The following CCDC47 variants were observed in gnomAD, a reference collection of about 807,000 sequenced individuals.
CCDC47 encodes the protein coiled-coil domain containing 47.
In CCDC47, 41 loss-of-function variants were observed where a neutral mutation model predicts 60.5. That is an observed-to-expected ratio of 0.68 (90% CI 0.53 to 0.88). The LOEUF (loss-of-function observed/expected upper bound fraction) is 0.88. CCDC47 is among the 40% of genes least tolerant of loss of function. The probability of loss-of-function intolerance (pLI) is 0.00; values close to 1 mark genes in which losing one functional copy is unlikely to be tolerated. For missense variants in CCDC47, 513 were observed against 580.9 expected, an observed-to-expected ratio of 0.88 and a Z score of 1.20; for synonymous variants, 195 against 190.7, an observed-to-expected ratio of 1.02 and a Z score of -0.18.
intron 1 of CCDC47, among the ~76,000 whole-genome samples, chr17:63,769,194 G>A (rs1042272838): frequency 6.6e-6 from 1 of 150,862 alleles, no homozygotes; most frequent in South Asian, 2.1e-4. Flanking sequence ...AGGCTTCAGT[G>A]AGCCATGACT....
intron 8 of CCDC47, chr17:63,755,262 C>T (rs530419890): frequency 1.3e-4 from 127 of 981,964 alleles, no homozygotes; most frequent in Non-Finnish European, 1.5e-4. Flanking sequence ...CCACAGCGCG[C>T]GGACAAGGCT....
At position 63,758,764 on chromosome 17, in the gene CCDC47, A is replaced by G. The variant is rs116892791; in HGVS notation, c.735+2150T>C. 7.2e-3 allele frequency among the ~76,000 whole-genome samples: 1,098 copies of G among 152,292 alleles called. 4 individuals carry two copies. Among genetic ancestry groups the G allele is most frequent in the Admixed American group, 0.023 (354 of 15,296 alleles). ...GCTTGGGTGAAATAATTTTTAGTATATGGAAGAAGGAAAATGTTAATATAG... is the reference window on the plus strand; with the variant it reads ...GCTTGGGTGAAATAATTTTTAGTATGTGGAAGAAGGAAAATGTTAATATAG... On this transcript the variant is annotated intron_variant, in intron 6 of 12. Transcript: ENST00000225726.
At chr17:63,752,496 C>CTTT in intron 10 of CCDC47, 67 bp from the exon 11 acceptor site, 2 of 889,320 alleles carry the variant, frequency 2.2e-6, no homozygotes, top group Non-Finnish European at 3.3e-6. Flanking sequence ...TCACCCAACT[C>CTTT]TTTTTTTTTT....
chr17:63,756,518 A>G lies in CCDC47; in HGVS notation c.788T>C (p.Val263Ala). ...TCGCACCAAGGCTTTCCGTGTGCCA[A>G]CAGCAAATACGTAGGTATCCATGTC... ...DEDMDTYVFA[V>A]GTRKALVRLQ... is the part of the protein sequence containing the mutation. The change falls in exon 7 of 13, where the codon GTT (valine) becomes GCT (alanine). Residue 263 changes from valine (V) to alanine (A), a missense_variant. Coordinates refer to ENST00000225726, the MANE Select transcript of CCDC47 (RefSeq NM_020198.3). The G allele has an allele frequency of 6.2e-7, 1 of 1,614,158 alleles. No homozygotes were observed. The highest frequency in any genetic ancestry group is 8.5e-7 in the Non-Finnish European group (1 of 1,179,976).
chr17:63,769,485 G>T (rs371188968), intron 1 of CCDC47, among the ~76,000 whole-genome samples: 1 of 150,608 alleles, frequency 6.6e-6, no homozygotes, highest in African/African-American at 2.4e-5. Context: ...ATGGTGACAG[G>T]CGCCTGTAAT....
rs1258442864 is a variant in CCDC47 at position 63,746,865 on chromosome 17, A to G, written c.*16T>C. ...AGCTTACAGGTGGCATCAGAACTCA[A>G]ATCTCTGGGATGGCTTTACATGGCT... On this transcript the variant is annotated 3_prime_UTR_variant, in exon 13 of 13. Transcript: ENST00000225726. 2 of 1,600,602 alleles carry G rather than the reference A, an allele frequency of 1.2e-6. No homozygotes were observed. Among genetic ancestry groups the G allele is most frequent in the Non-Finnish European group, 1.7e-6 (2 of 1,167,996 alleles).
chr17:63,751,763 C>A, intron 12 of CCDC47, 177 bp downstream of exon 12: 1 of 697,444 alleles, frequency 1.4e-6, no homozygotes, highest in South Asian at 1.6e-5. Flanking sequence ...CAGTGTGGCA[C>A]GGCTTGAACA....
rs1162543297 is a variant in CCDC47 at position 63,765,799 on chromosome 17, T to C, written c.264+113A>G. 1.7e-5 allele frequency: 24 copies of C among 1,375,042 alleles called. 1 individual carries two copies. The East Asian group carries it at 5.3e-4, about 30-fold the overall frequency. 85.2% of individuals were successfully genotyped at this position (1,375,042 alleles called of 1,614,324 possible). A position where few individuals can be genotyped will look rare whatever the true frequency, so the allele number is the denominator to read the frequency against. On this transcript the variant is annotated intron_variant, in intron 2 of 12. Coordinates refer to ENST00000225726, the MANE Select transcript of CCDC47 (RefSeq NM_020198.3). The stretch of plus-strand genomic sequence containing the variant: ...ATTTAGAAGAGCTCTACCTAGTGAA[T>C]GAAAATGAAGACTCCAGACAGTAAA...
chr17:63,764,252 T>C, intron 3 of CCDC47, 62 bp from the exon 4 acceptor site: 1 of 1,235,874 alleles, frequency 8.1e-7, no homozygotes, highest in Middle Eastern at 2.0e-4. Flanking sequence ...ATCTACCTCA[T>C]GGCAGGAAGA....
At position 63,764,046 on chromosome 17, in the gene CCDC47, C is replaced by T; in HGVS notation, c.517G>A (p.Glu173Lys). ...AAAGTAAAGTTGCTCTCCAAAAGCTCCCTATGAGTGTTAAACCAGGCCTGT... is the reference window on the plus strand; with the variant it reads ...AAAGTAAAGTTGCTCTCCAAAAGCTTCCTATGAGTGTTAAACCAGGCCTGT... ...LAQAWFNTHR[E>K]LLESNFTLVG... Residue 173 changes from glutamate to lysine, a missense_variant, in exon 4 of 13, where the codon GAG becomes AAG. Coordinates refer to ENST00000225726, the MANE Select transcript of CCDC47 (RefSeq NM_020198.3). The T allele has an allele frequency of 6.2e-7, 1 of 1,605,628 alleles. No homozygotes were observed. Among genetic ancestry groups the T allele is most frequent in the Non-Finnish European group, 8.5e-7 (1 of 1,177,840 alleles).
intron 8 of CCDC47, among the ~76,000 whole-genome samples, chr17:63,754,891 G>GA (rs368843852): frequency 0.38 from 42,714 of 113,772 alleles, 7,234 homozygotes; most frequent in African/African-American, 0.55. Flanking sequence ...TCAAAAAAAA[G>GA]AAAAAAAAAA....
chr17:63,765,805 T>G, intron 2 of CCDC47, 107 bp downstream of exon 2: 1 of 1,381,576 alleles, frequency 7.2e-7, no homozygotes, highest in South Asian at 1.4e-5. Context: ...TGAATGAAAA[T>G]GAAGACTCCA....
chr17:63,755,419 A>G (rs1297182584), intron 8 of CCDC47: 2 of 243,872 alleles, frequency 8.2e-6, no homozygotes, highest in Non-Finnish European at 1.3e-5. Flanking sequence ...CAGGAATTCC[A>G]GACCAGCCTG....
chr17:63,753,386 C>T (rs1216062798), intron 9 of CCDC47: 1 of 212,838 alleles, frequency 4.7e-6, no homozygotes, highest in Non-Finnish European at 8.1e-6. Flanking sequence ...TCCTCAGTGC[C>T]ACTGAGTTGA....
At chr17:63,765,865 G>A in intron 2 of CCDC47, 47 bp downstream of exon 2, 3 of 1,544,034 alleles carry the variant, frequency 1.9e-6, no homozygotes, top group Non-Finnish European at 2.6e-6. Flanking sequence ...GTTTGGGAAA[G>A]GTGCTAGTTA....
chr17:63,750,899 CT>C (rs973177583), intron 12 of CCDC47, among the ~76,000 whole-genome samples: 78 of 146,088 alleles, frequency 5.3e-4, no homozygotes, highest in African/African-American at 1.1e-3. Context: ...TCCTCTCCCT[CT>C]TTTTTTTTTG....
Position 63,747,629 on chromosome 17 carries a change from G to A in CCDC47, c.1372-668C>T, listed in dbSNP as rs1179374682. 6.5e-5 allele frequency: 64 copies of A among 985,316 alleles called. 1 individual carries two copies. The Middle Eastern group carries it at 1.6e-3, about 24-fold the overall frequency. 61.0% of individuals were successfully genotyped at this position (985,316 alleles called of 1,614,324 possible). ...ATGACTTCACTGTTGGCCACTAGTG[G>A]TCACACCTGATTAAAAGTTTATTTC... On this transcript the variant is annotated intron_variant, in intron 12 of 12. Transcript: ENST00000225726.
chr17:63,750,274 A>G (rs1472267451), intron 12 of CCDC47, among the ~76,000 whole-genome samples: 1 of 152,186 alleles, frequency 6.6e-6, no homozygotes. Context: ...GATTCTTCAC[A>G]TGTACATAAA....
At chr17:63,759,306 T>A (rs367987055) in intron 6 of CCDC47, among the ~76,000 whole-genome samples, 3 of 150,042 alleles carry the variant, frequency 2.0e-5, no homozygotes, top group African/African-American at 7.3e-5. Flanking sequence ...CTGACCAACA[T>A]GGTGAAACCC....
Sources: gnomAD v4.1 joint callset for allele counts (sites outside exome capture counted in the v4.1 genomes callset) on GRCh38, gnomAD v4.1.1 for gene constraint, MANE v1.5 for transcripts, NCBI Gene and HGNC (gene_info 2026-07-23, HGNC 2026-07-21) for gene names.